The following CPEB3 variants were observed in gnomAD, a reference collection of about 807,000 sequenced individuals.
The protein encoded by CPEB3 is cytoplasmic polyadenylation element binding protein 3.
Under a neutral mutation model 67.2 loss-of-function variants are expected in CPEB3, and 20 were observed. The ratio of observed to expected loss-of-function variants is 0.30; its 90% CI spans 0.21 to 0.43. The LOEUF is 0.43. Ranked by LOEUF, CPEB3 falls within the 20% of genes least tolerant of loss-of-function variation. The pLI is 1.00. For missense variants in CPEB3, 746 were observed against 968.6 expected, an observed-to-expected ratio of 0.77 and a Z score of 3.05; for synonymous variants, 376 against 393.1, an observed-to-expected ratio of 0.96 and a Z score of 0.51.
chr10:92,249,523 C>T (rs1852205618), intron 1 of CPEB3, among the ~76,000 whole-genome samples: 1 of 151,978 alleles, frequency 6.6e-6, no homozygotes, highest in African/African-American at 2.4e-5. Flanking sequence ...TGGTGCATGC[C>T]TGTAATCGCA....
intron 5 of CPEB3, among the ~76,000 whole-genome samples, chr10:92,143,739 C>T (rs565924439): frequency 2.5e-4 from 38 of 152,218 alleles, no homozygotes; most frequent in Admixed American, 4.6e-4. Flanking sequence ...CTGGCTCCTA[C>T]TCAGGTTTAG....
At chr10:92,091,757 T>C in intron 8 of CPEB3, 73 bp downstream of exon 8, 1 of 881,182 alleles carries the variant, frequency 1.1e-6, no homozygotes, top group Middle Eastern at 2.2e-4. Flanking sequence ...ACCTAGAAAA[T>C]ATTTAAGACT....
At chr10:92,067,019 A>G (rs1285581384) in intron 9 of CPEB3, among the ~76,000 whole-genome samples, 1 of 152,030 alleles carries the variant, frequency 6.6e-6, no homozygotes, top group Admixed American at 6.6e-5. Context: ...ACTGCACTCC[A>G]GCCTGGGTGA....
chr10:92,098,691 G>A (rs987669225), intron 7 of CPEB3, among the ~76,000 whole-genome samples: 2 of 151,304 alleles, frequency 1.3e-5, no homozygotes, highest in African/African-American at 2.4e-5. Flanking sequence ...TTAGATAGCT[G>A]TTCAAAGAAC....
At chr10:92,122,825 G>A (rs531044286) in intron 6 of CPEB3, among the ~76,000 whole-genome samples, 237 of 152,292 alleles carry the variant, frequency 1.6e-3, no homozygotes, top group Non-Finnish European at 2.7e-3. Flanking sequence ...TTGAAAACAC[G>A]GAGAAGACAT....
intron 2 of CPEB3, among the ~76,000 whole-genome samples, chr10:92,217,272 CAT>C (rs1198972471): frequency 7.6e-5 from 10 of 131,542 alleles, no homozygotes; most frequent in East Asian, 2.2e-4. Context: ...CACACACACA[CAT>C]ATATATATGC....
intron 7 of CPEB3, among the ~76,000 whole-genome samples, chr10:92,109,627 C>A (rs1844638126): frequency 6.6e-6 from 1 of 152,092 alleles, no homozygotes; most frequent in Non-Finnish European, 1.5e-5. Flanking sequence ...TCATACTACT[C>A]CAAAATTTGG....
rs184619955 is a variant in CPEB3, at chr10:92,279,896, G to A, written c.-12+11030C>T. On this transcript the variant is annotated intron_variant, in intron 1 of 9. Transcript: ENST00000265997. ...ATGGTGGCGCGTGCCTGTAATCCCA[G>A]CTAACTGGGGAGGTTGAGGCATGAA... Among the ~76,000 whole-genome samples, 551 of 152,236 alleles carry A rather than the reference G, an allele frequency of 3.6e-3. 3 individuals are homozygous for A. The highest frequency in any genetic ancestry group is 5.8e-3 in the Non-Finnish European group (392 of 68,026).
At chr10:92,231,603 A>G (rs1295923176) in intron 2 of CPEB3, among the ~76,000 whole-genome samples, 1 of 152,200 alleles carries the variant, frequency 6.6e-6, no homozygotes, top group Non-Finnish European at 1.5e-5. Context: ...GACAGAGCCA[A>G]GGCTTTAACC....
intron 2 of CPEB3, among the ~76,000 whole-genome samples, chr10:92,221,716 G>A (rs963131247): frequency 1.3e-5 from 2 of 152,126 alleles, no homozygotes; most frequent in Non-Finnish European, 2.9e-5. Flanking sequence ...TTATAAGAAA[G>A]AGAGGCTTGT....
intron 1 of CPEB3, among the ~76,000 whole-genome samples, chr10:92,255,659 C>T (rs1037805267): frequency 5.9e-5 from 9 of 152,168 alleles, no homozygotes; most frequent in African/African-American, 1.9e-4. Context: ...AGAACCTAAC[C>T]GTGGTGCACC....
At chr10:92,279,154 G>A (rs1166368981) in intron 1 of CPEB3, among the ~76,000 whole-genome samples, 1 of 152,144 alleles carries the variant, frequency 6.6e-6, no homozygotes, top group Non-Finnish European at 1.5e-5. Flanking sequence ...TCACCATCAG[G>A]CAAGATGTTG....
At chr10:92,098,916 C>T (rs910270931) in intron 7 of CPEB3, among the ~76,000 whole-genome samples, 1 of 151,524 alleles carries the variant, frequency 6.6e-6, no homozygotes. Flanking sequence ...GGATTACAGG[C>T]GCCTGCCCCA....
intron 1 of CPEB3, among the ~76,000 whole-genome samples, chr10:92,278,949 G>T: frequency 6.6e-6 from 1 of 151,566 alleles, no homozygotes; most frequent in Non-Finnish European, 1.5e-5. Flanking sequence ...TTTATTCTTG[G>T]AATTTTCTAA....
chr10:92,275,111 C>T (rs538107450), intron 1 of CPEB3, among the ~76,000 whole-genome samples: 3 of 152,316 alleles, frequency 2.0e-5, no homozygotes, highest in African/African-American at 4.8e-5. Context: ...TCACCCATGT[C>T]CTTCCAATGA....
intron 1 of CPEB3, among the ~76,000 whole-genome samples, chr10:92,263,685 T>G (rs142742783): frequency 2.0e-4 from 30 of 152,256 alleles, no homozygotes; most frequent in African/African-American, 6.5e-4. Context: ...CCACAGGATG[T>G]CAATTTTTAA....
At chr10:92,067,035 C>A (rs1343300802) in intron 9 of CPEB3, among the ~76,000 whole-genome samples, 1 of 150,374 alleles carries the variant, frequency 6.7e-6, no homozygotes. Context: ...GGTGACACAG[C>A]CGAGACTCCA....
chr10:92,091,646 T>C (rs1265355319), intron 8 of CPEB3, among the ~76,000 whole-genome samples, 184 bp downstream of exon 8: 9 of 152,168 alleles, frequency 5.9e-5, no homozygotes, highest in African/African-American at 2.2e-4. Context: ...TTTTGCACCA[T>C]AACAAAATAG....
chr10:92,255,829 C>T (rs1852491258), intron 1 of CPEB3, among the ~76,000 whole-genome samples: 2 of 152,156 alleles, frequency 1.3e-5, no homozygotes, highest in Non-Finnish European at 2.9e-5. Context: ...AATGTTTCTT[C>T]TCAATCTTCT....
Sources: gnomAD v4.1 joint callset for allele counts (sites outside exome capture counted in the v4.1 genomes callset) on GRCh38, gnomAD v4.1.1 for gene constraint, MANE v1.5 for transcripts, NCBI Gene and HGNC (gene_info 2026-07-23, HGNC 2026-07-21) for gene names.